The following ARHGAP44 variants were observed in gnomAD, a reference collection of about 807,000 sequenced individuals.
ARHGAP44 encodes rho GTPase-activating protein 44.
In ARHGAP44, 43 loss-of-function variants were observed where a neutral mutation model predicts 106.8. The ratio of observed to expected loss-of-function variants is 0.40; its 90% CI spans 0.32 to 0.52. The LOEUF is 0.52. Ranked by LOEUF, ARHGAP44 falls within the 20% of genes least tolerant of loss-of-function variation. The pLI, the probability that ARHGAP44 is intolerant of heterozygous loss-of-function variation, is 0.48. For synonymous variants in ARHGAP44, 439 were observed against 410.3 expected (o/e 1.07, Z -0.85); for missense variants, 866 against 1,050.5 (o/e 0.82, Z 2.43).
At chr17:12,919,296 G>C (rs1045501085) in intron 5 of ARHGAP44, among the ~76,000 whole-genome samples, 32 of 151,914 alleles carry the variant, frequency 2.1e-4, no homozygotes, top group African/African-American at 7.2e-4. Flanking sequence ...TAACACAAAA[G>C]GGAAAAAAGG....
intron 18 of ARHGAP44, among the ~76,000 whole-genome samples, chr17:12,976,501 T>C (rs1026940639): frequency 6.7e-6 from 1 of 149,676 alleles, no homozygotes; most frequent in Non-Finnish European, 1.5e-5. Flanking sequence ...TAGTCCCAGC[T>C]ACTCAGGAGG....
At chr17:12,917,216 G>A (rs1354239815) in intron 5 of ARHGAP44, 1 of 154,422 alleles carries the variant, frequency 6.5e-6, no homozygotes, top group African/African-American at 2.4e-5. Context: ...ATTAGGGGAA[G>A]TTGGGATTCT....
At chr17:12,930,267 C>T (rs1414515718) in intron 7 of ARHGAP44, among the ~76,000 whole-genome samples, 11 of 148,852 alleles carry the variant, frequency 7.4e-5, no homozygotes, top group Middle Eastern at 3.4e-3. Flanking sequence ...GAGTTTCGTT[C>T]TTGTTGCCCA....
intron 18 of ARHGAP44, among the ~76,000 whole-genome samples, chr17:12,976,494 T>C (rs2039685754): frequency 6.7e-6 from 1 of 150,174 alleles, no homozygotes; most frequent in African/African-American, 2.5e-5. Context: ...ATGTCTATAG[T>C]CCCAGCTACT....
intron 7 of ARHGAP44, among the ~76,000 whole-genome samples, chr17:12,938,058 A>G (rs1171734493): frequency 6.6e-6 from 1 of 151,014 alleles, no homozygotes; most frequent in Non-Finnish European, 1.5e-5. Context: ...AGATTGTGCC[A>G]CTGCACTCCA....
intron 16 of ARHGAP44, among the ~76,000 whole-genome samples, chr17:12,972,041 A>G (rs1194520212): frequency 1.3e-5 from 2 of 152,160 alleles, no homozygotes; most frequent in African/African-American, 4.8e-5. Context: ...TTTCTAGGTG[A>G]GCAGGATTTC....
rs2040112396 is a variant in ARHGAP44, at chr17:12,990,785, T to G, written c.*614T>G. ...AAGTAAATGGCTGAAAACAAAAATG[T>G]TTCACTTCCTAACAGTTTTCCTTTT... On this transcript the variant is annotated 3_prime_UTR_variant, in exon 21 of 21. Coordinates refer to ENST00000379672, the MANE Select transcript of ARHGAP44 (RefSeq NM_014859.6). 1 of 152,214 alleles carries G rather than the reference T, an allele frequency of 6.6e-6. No homozygotes were observed. Among genetic ancestry groups the G allele is most frequent in the Admixed American group, 6.5e-5 (1 of 15,284 alleles). 9.4% of individuals were successfully genotyped at this position (152,214 alleles called of 1,614,324 possible). A position where few individuals can be genotyped will look rare whatever the true frequency, so the allele number is the denominator to read the frequency against.
At chr17:12,841,847 A>G (rs2035417993) in intron 1 of ARHGAP44, among the ~76,000 whole-genome samples, 1 of 152,158 alleles carries the variant, frequency 6.6e-6, no homozygotes, top group African/African-American at 2.4e-5. Context: ...CTCTTAAAAT[A>G]AAAGAATTTT....
At chr17:12,909,732 G>A (rs2037668803) in intron 4 of ARHGAP44, among the ~76,000 whole-genome samples, 1 of 152,154 alleles carries the variant, frequency 6.6e-6, no homozygotes, top group South Asian at 2.1e-4. Context: ...ATTCCATCTA[G>A]TGGGAATTCC....
chr17:12,904,299 G>A (rs1005054209), intron 3 of ARHGAP44, among the ~76,000 whole-genome samples: 2 of 151,964 alleles, frequency 1.3e-5, no homozygotes, highest in Non-Finnish European at 1.5e-5. Context: ...GTAGAGATGG[G>A]GCTTCACCAT....
Position 12,958,592 on chromosome 17 carries a change from A to T in ARHGAP44, c.1343-125A>T. 1 of 895,306 alleles carries T rather than the reference A, an allele frequency of 1.1e-6. No homozygotes were observed. Among genetic ancestry groups the T allele is most frequent in the Non-Finnish European group, 1.7e-6 (1 of 584,422 alleles). 55.5% of individuals were successfully genotyped at this position (895,306 alleles called of 1,614,324 possible). On this transcript the variant is annotated intron_variant, in intron 15 of 20. Coordinates refer to ENST00000379672, the MANE Select transcript of ARHGAP44 (RefSeq NM_014859.6). The surrounding 1 kb of genome is among the most constrained non-coding windows in gnomAD (Gnocchi z 4.1). ...GTGATGCATTATATTAATAAGGTGAACCATGGGATGAAATTTTCTAGGGAT... is the reference window on the plus strand; with the variant it reads ...GTGATGCATTATATTAATAAGGTGATCCATGGGATGAAATTTTCTAGGGAT...
chr17:12,943,029 G>A (rs562729109), intron 8 of ARHGAP44, among the ~76,000 whole-genome samples: 299 of 152,272 alleles, frequency 2.0e-3, no homozygotes, highest in African/African-American at 6.7e-3. Flanking sequence ...CATTTAAGTC[G>A]TACATATCTC....
chr17:12,790,898 G>T (rs1360021098), intron 1 of ARHGAP44, among the ~76,000 whole-genome samples: 1 of 152,180 alleles, frequency 6.6e-6, no homozygotes, highest in East Asian at 1.9e-4. Context: ...CTGTTCTAAA[G>T]CAATCAGAAA....
At chr17:12,979,777 C>T (rs778636961) in intron 18 of ARHGAP44, among the ~76,000 whole-genome samples, 22 of 152,186 alleles carry the variant, frequency 1.4e-4, no homozygotes, top group Non-Finnish European at 1.3e-4. Context: ...ACATTGCTCA[C>T]GGTCTCCTTG....
chr17:12,956,066 T>G, intron 14 of ARHGAP44, 86 bp downstream of exon 14: 1 of 906,310 alleles, frequency 1.1e-6, no homozygotes, highest in South Asian at 1.5e-5. Context: ...GGGGCCTAGC[T>G]GAGCACCAGC....
intron 15 of ARHGAP44, among the ~76,000 whole-genome samples, chr17:12,957,321 C>T (rs552229996): frequency 2.7e-4 from 41 of 152,276 alleles, no homozygotes; most frequent in African/African-American, 8.7e-4. Context: ...TAACCATGTC[C>T]GTGGATTTTA....
chr17:12,963,851 A>T (rs987019597), intron 16 of ARHGAP44, among the ~76,000 whole-genome samples: 13 of 152,220 alleles, frequency 8.5e-5, no homozygotes, highest in Non-Finnish European at 1.6e-4. Context: ...ACCTGTCCCA[A>T]ATCTACCCAT....
chr17:12,844,441 C>T (rs544716400), intron 1 of ARHGAP44, among the ~76,000 whole-genome samples: 3 of 152,158 alleles, frequency 2.0e-5, no homozygotes, highest in African/African-American at 4.8e-5. Context: ...AATTCGTTCA[C>T]GAGAACTCTG....
chr17:12,979,272 G>A (rs776812570), intron 18 of ARHGAP44, among the ~76,000 whole-genome samples: 1 of 151,812 alleles, frequency 6.6e-6, no homozygotes, highest in African/African-American at 2.4e-5. Flanking sequence ...AGAGTGAGGT[G>A]TCTTCTAATA....
Sources: gnomAD v4.1 joint callset for allele counts (sites outside exome capture counted in the v4.1 genomes callset) on GRCh38, gnomAD v4.1.1 for gene constraint, Gnocchi (gnomAD v3.1) non-coding constraint, MANE v1.5 for transcripts, NCBI Gene and HGNC (gene_info 2026-07-23, HGNC 2026-07-21) for gene names.